GRIN2A: variants seen among roughly 807,000 people sequenced by gnomAD.
The protein encoded by GRIN2A is glutamate ionotropic receptor NMDA type subunit 2A, also known as glutamate receptor ionotropic, NMDA 2A.
Under a neutral mutation model 113.4 loss-of-function variants are expected in GRIN2A, and 22 were observed. The observed-to-expected ratio is 0.19, with a 90% CI of 0.14 to 0.28. The LOEUF is 0.28. GRIN2A is among the 10% of genes least tolerant of loss of function. GRIN2A has a pLI of 1.00. For missense variants in GRIN2A, 1,502 were observed against 1,887.0 expected, an observed-to-expected ratio of 0.80 and a Z score of 3.78; for synonymous variants, 827 against 738.4, an observed-to-expected ratio of 1.12 and a Z score of -1.94.
At position 9,839,924 on chromosome 16, in the gene GRIN2A, A is replaced by G. The variant is rs1047868215; in HGVS notation, c.1651+723T>C. ...AGGATCACTTGAGGTCAGGAGTTTGATATCAGTCTGGCCAACATGGCGAAA... is the reference window on the plus strand; with the variant it reads ...AGGATCACTTGAGGTCAGGAGTTTGGTATCAGTCTGGCCAACATGGCGAAA... On this transcript the variant is annotated intron_variant, in intron 7 of 12. Coordinates refer to ENST00000330684, the MANE Select transcript of GRIN2A (RefSeq NM_001134407.3). Among the ~76,000 whole-genome samples, 4 of 152,140 alleles carry G rather than the reference A, an allele frequency of 2.6e-5. No individual in the cohort carries two copies. In the East Asian group the frequency reaches 7.7e-4, roughly 29 times the overall value.
At chr16:9,912,784 G>A (rs890160534) in intron 3 of GRIN2A, among the ~76,000 whole-genome samples, 1 of 152,132 alleles carries the variant, frequency 6.6e-6, no homozygotes, top group Non-Finnish European at 1.5e-5. Flanking sequence ...GGTATTAATG[G>A]GCACAATTAA....
chr16:10,151,178 A>G (rs2049561391), intron 2 of GRIN2A, among the ~76,000 whole-genome samples: 1 of 152,196 alleles, frequency 6.6e-6, no homozygotes, highest in African/African-American at 2.4e-5. Flanking sequence ...TGCTTGATCG[A>G]GAGCTGAGAT....
chr16:9,882,956 C>T (rs372582490), intron 4 of GRIN2A, among the ~76,000 whole-genome samples: 19 of 152,280 alleles, frequency 1.2e-4, no homozygotes, highest in African/African-American at 4.1e-4. Context: ...AGAATACCTC[C>T]TTCCCGCTGC....
intron 2 of GRIN2A, among the ~76,000 whole-genome samples, chr16:10,044,711 C>G (rs1254139443): frequency 1.3e-5 from 2 of 150,698 alleles, no homozygotes; most frequent in Non-Finnish European, 2.9e-5. Context: ...CAAAGGATAG[C>G]CTACGTCTGC....
chr16:9,949,744 G>T (rs1371870680), intron 2 of GRIN2A, among the ~76,000 whole-genome samples: 1 of 151,966 alleles, frequency 6.6e-6, no homozygotes, highest in African/African-American at 2.4e-5. Flanking sequence ...TGGATGGGTG[G>T]GTGGGTGGAT....
At chr16:9,832,456 T>C (rs1012073109) in intron 8 of GRIN2A, among the ~76,000 whole-genome samples, 18 of 152,158 alleles carry the variant, frequency 1.2e-4, no homozygotes, top group African/African-American at 4.3e-4. Flanking sequence ...TGTCACTATG[T>C]TTTTTTCTTC....
intron 2 of GRIN2A, among the ~76,000 whole-genome samples, chr16:10,109,449 C>T (rs1314318222): frequency 2.6e-5 from 4 of 151,950 alleles, no homozygotes; most frequent in Admixed American, 6.6e-5. Flanking sequence ...GATTCCAAAA[C>T]CAGAGGAAGC....
intron 2 of GRIN2A, among the ~76,000 whole-genome samples, chr16:10,084,410 T>C (rs1008486815): frequency 5.3e-5 from 8 of 152,162 alleles, no homozygotes; most frequent in Non-Finnish European, 1.2e-4. Flanking sequence ...GCTGCTGGGA[T>C]AAAAGACTTC....
chr16:9,800,364 A>C (rs1034643658), intron 10 of GRIN2A, among the ~76,000 whole-genome samples: 1 of 152,174 alleles, frequency 6.6e-6, no homozygotes, highest in Non-Finnish European at 1.5e-5. Flanking sequence ...GAATGTCTCA[A>C]CTCTAAAATG....
intron 2 of GRIN2A, among the ~76,000 whole-genome samples, chr16:10,075,753 T>A (rs1406335895): frequency 6.6e-6 from 1 of 152,096 alleles, no homozygotes; most frequent in African/African-American, 2.4e-5. Flanking sequence ...CATAAGAAAA[T>A]AATCAGACAA....
chr16:10,053,315 G>A (rs980657983), intron 2 of GRIN2A, among the ~76,000 whole-genome samples: 10 of 152,200 alleles, frequency 6.6e-5, no homozygotes, highest in African/African-American at 2.4e-4. Context: ...CAGGCTAAAA[G>A]GAAGATAATA....
At chr16:9,792,376 C>A (rs1024895056) in intron 11 of GRIN2A, among the ~76,000 whole-genome samples, 3 of 152,100 alleles carry the variant, frequency 2.0e-5, no homozygotes, top group Non-Finnish European at 4.4e-5. Context: ...GCATGTACCA[C>A]CATGCCCAGT....
intron 7 of GRIN2A, among the ~76,000 whole-genome samples, chr16:9,837,070 A>C (rs567440022): frequency 1.6e-4 from 25 of 152,320 alleles, no homozygotes; most frequent in African/African-American, 5.8e-4. Context: ...AGAAAATAGG[A>C]AATAATGAAC....
rs1900694552 is a variant in GRIN2A at position 9,763,554 on chromosome 16, A to G, written c.3990T>C (p.Ser1330=). The change falls in exon 13 of 13, where the codon AGT becomes AGC. Residue 1330 remains serine (S), a synonymous_variant. Transcript: ENST00000330684. ...TCCCCGAGAGTTTGCTTGAGGGGAC[A>G]CTAAACAGGCTGCCGTAAAAATTTC... is the stretch of plus-strand genomic sequence containing the variant. ...LEGNFYGSLF[S]VPSSKLSGKK... 3 of 1,613,996 alleles carry G rather than the reference A, an allele frequency of 1.9e-6. No homozygotes were observed. In the African/African-American group the frequency reaches 4.0e-5, roughly 22 times the overall value.
intron 11 of GRIN2A, among the ~76,000 whole-genome samples, chr16:9,793,156 C>T (rs1902725903): frequency 6.6e-6 from 1 of 152,134 alleles, no homozygotes; most frequent in South Asian, 2.1e-4. Context: ...AGATTTACTC[C>T]AGAATATTAT....
At chr16:10,030,526 T>A (rs2046909197) in intron 2 of GRIN2A, among the ~76,000 whole-genome samples, 1 of 152,216 alleles carries the variant, frequency 6.6e-6, no homozygotes, top group Non-Finnish European at 1.5e-5. Flanking sequence ...AGATGCTACC[T>A]GAAAACCCAC....
intron 2 of GRIN2A, among the ~76,000 whole-genome samples, chr16:10,124,055 G>A (rs895597009): frequency 2.0e-5 from 3 of 152,138 alleles, no homozygotes; most frequent in Admixed American, 6.5e-5. Context: ...ATAGTCTCCA[G>A]AGACAGATGA....
chr16:10,105,650 C>G (rs1373070071), intron 2 of GRIN2A, among the ~76,000 whole-genome samples: 1 of 152,092 alleles, frequency 6.6e-6, no homozygotes, highest in African/African-American at 2.4e-5. Context: ...GCTTGTAATT[C>G]CAGCGCTTAA....
intron 4 of GRIN2A, among the ~76,000 whole-genome samples, chr16:9,850,212 C>G (rs2042859093): frequency 6.6e-6 from 1 of 152,210 alleles, no homozygotes; most frequent in African/African-American, 2.4e-5. Context: ...TGCCCAGGCA[C>G]TGATACCTTT....
Sources: allele counts gnomAD v4.1 joint callset (sites outside exome capture counted in the v4.1 genomes callset), GRCh38; gene constraint gnomAD v4.1.1; transcripts MANE v1.5; gene names NCBI Gene and HGNC (gene_info 2026-07-23, HGNC 2026-07-21).